The following COPG2 variants were observed in gnomAD, a reference collection of about 807,000 sequenced individuals.
COPG2 encodes coatomer subunit gamma-2.
A neutral mutation model predicts 46.3 loss-of-function variants in COPG2; 37 were observed. The observed-to-expected ratio is 0.80, with a 90% CI of 0.61 to 1.05. The LOEUF (loss-of-function observed/expected upper bound fraction) is 1.05, where lower values mean the gene tolerates loss of function less well. COPG2 is among the 50% of genes least tolerant of loss of function. COPG2 has a pLI of 0.00. For missense variants in COPG2, 427 were observed against 387.8 expected (o/e 1.10, Z -0.85); for synonymous variants, 159 against 129.7 (o/e 1.23, Z -1.53).
At chr7:130,534,947 A>C (rs1193792083) in intron 20 of COPG2, among the ~76,000 whole-genome samples, 1 of 152,158 alleles carries the variant, frequency 6.6e-6, no homozygotes. Flanking sequence ...AAGAGAAAAG[A>C]GGAAACAAGG....
chr7:130,644,744 T>C (rs782697288), intron 5 of COPG2, among the ~76,000 whole-genome samples: 7 of 152,266 alleles, frequency 4.6e-5, no homozygotes, highest in Middle Eastern at 6.8e-3. Context: ...TATTTCCCAA[T>C]TCTGTCTTCA....
At chr7:130,588,950 CAT>C (rs1439009795) in intron 9 of COPG2, among the ~76,000 whole-genome samples, 1 of 152,116 alleles carries the variant, frequency 6.6e-6, no homozygotes, top group East Asian at 1.9e-4. Flanking sequence ...CCGCCACACA[CAT>C]ATACACACAA....
At chr7:130,530,241 G>A (rs1048941844) in intron 20 of COPG2, among the ~76,000 whole-genome samples, 2 of 152,270 alleles carry the variant, frequency 1.3e-5, no homozygotes, top group Admixed American at 1.3e-4. Flanking sequence ...AGATGGGCAG[G>A]CACGATGGCA....
In COPG2 at chr7:130,667,552, CAAAAA is replaced by C. The variant is rs782127185; in HGVS notation, c.38-23_38-19del. ...GCCACTACCTATTTATAAAACAAAA[CAAAAA>C]AATGTCCTGAACAGCTGTTCTACAC... On this transcript the variant is annotated intron_variant, in intron 1 of 23. Coordinates refer to ENST00000425248, the MANE Select transcript of COPG2 (RefSeq NM_012133.6). The C allele has an allele frequency of 4.4e-6, 7 of 1,606,002 alleles. No homozygotes were observed. The African/African-American group carries it at 9.4e-5, about 22-fold the overall frequency.
chr7:130,532,342 C>T lies in COPG2; in HGVS notation c.2149+15332G>A, dbSNP rs925623984. ...AGTGACACAGAGGATGTGGGCTGTGCGGGTGAGAGCAGACAGCAGGGGATC... is the reference window on the plus strand; with the variant it reads ...AGTGACACAGAGGATGTGGGCTGTGTGGGTGAGAGCAGACAGCAGGGGATC... On this transcript the variant is annotated intron_variant, in intron 20 of 23. Coordinates refer to ENST00000425248, the MANE Select transcript of COPG2 (RefSeq NM_012133.6). 4.9e-4 allele frequency among the ~76,000 whole-genome samples: 75 copies of T among 152,094 alleles called. No homozygotes were observed. In the Middle Eastern group the frequency reaches 0.01, roughly 21 times the overall value.
In COPG2 at chr7:130,625,725, C is replaced by A. The variant is rs1353479032; in HGVS notation, c.324-8660G>T. Among the ~76,000 whole-genome samples the A allele has an allele frequency of 3.3e-5, 5 of 149,772 alleles. No homozygotes were observed. The East Asian group carries it at 7.9e-4, about 24-fold the overall frequency. ...GGTTTATTTATATTGTTAATTTTTT[C>A]AAAAATAGGATTTTGATTTAATAAT... On this transcript the variant is annotated intron_variant, in intron 5 of 23. Coordinates refer to ENST00000425248, the MANE Select transcript of COPG2 (RefSeq NM_012133.6).
At chr7:130,597,712 A>T (rs1361386135) in intron 9 of COPG2, among the ~76,000 whole-genome samples, 1 of 152,346 alleles carries the variant, frequency 6.6e-6, no homozygotes, top group Non-Finnish European at 1.5e-5. Flanking sequence ...TAACTCAAAG[A>T]AAAGATGAAA....
intron 20 of COPG2, among the ~76,000 whole-genome samples, chr7:130,535,699 G>A (rs1055170317): frequency 0.046 from 4,035 of 88,310 alleles, 100 homozygotes; most frequent in Non-Finnish European, 0.062. Flanking sequence ...GTGGGGCAGG[G>A]TTAGGGGCAG....
At chr7:130,609,650 A>G (rs1195785792) in intron 9 of COPG2, among the ~76,000 whole-genome samples, 1 of 151,952 alleles carries the variant, frequency 6.6e-6, no homozygotes, top group Non-Finnish European at 1.5e-5. Context: ...AGACTTTTTG[A>G]TATATTCCCT....
At chr7:130,508,305 T>G in intron 21 of COPG2, 1 of 350,802 alleles carries the variant, frequency 2.9e-6, no homozygotes, top group Non-Finnish European at 5.1e-6. Flanking sequence ...TTTCATCTCT[T>G]AATTATCCCT....
At chr7:130,605,817 A>C (rs782697374) in intron 9 of COPG2, 2 of 518,466 alleles carry the variant, frequency 3.9e-6, no homozygotes, top group Admixed American at 1.9e-5. Flanking sequence ...TCAGACTTCT[A>C]ATCTACAGAT....
At chr7:130,603,807 A>G (rs1554450778) in intron 9 of COPG2, 1 of 519,042 alleles carries the variant, frequency 1.9e-6, no homozygotes, top group Non-Finnish European at 3.9e-6. Flanking sequence ...CTCGAACAAC[A>G]TGGGGTTAAC....
chr7:130,524,303 C>G (rs1482969756), intron 20 of COPG2, among the ~76,000 whole-genome samples: 1 of 151,954 alleles, frequency 6.6e-6, no homozygotes, highest in Non-Finnish European at 1.5e-5. Context: ...TACCTGAGTT[C>G]ACGACTTAGG....
rs782377798 is a variant in COPG2 at position 130,668,586 on chromosome 7, G to C, written c.37+46C>G. On this transcript the variant is annotated intron_variant, in intron 1 of 23. Transcript: ENST00000425248. ...AAGCAGGTGGCGGCGGGCGGGGGAA[G>C]GGGCGTCCCGCGGCTGAGGGTGGGC... 20 of 1,484,008 alleles carry C rather than the reference G, an allele frequency of 1.3e-5. No individual in the cohort carries two copies. In the East Asian group the frequency reaches 1.5e-4, roughly 11 times the overall value. The allele number at this position is 1,484,008 out of a possible 1,614,324, so 91.9% of individuals were successfully genotyped here.
At chr7:130,633,158 G>A (rs1795262954) in intron 5 of COPG2, among the ~76,000 whole-genome samples, 1 of 152,074 alleles carries the variant, frequency 6.6e-6, no homozygotes, top group Non-Finnish European at 1.5e-5. Context: ...CGGGCATTTG[G>A]GCTGGTTCCA....
chr7:130,542,734 G>A (rs1220241785), intron 20 of COPG2, among the ~76,000 whole-genome samples: 8 of 152,192 alleles, frequency 5.3e-5, no homozygotes, highest in Admixed American at 5.2e-4. Context: ...TTATTGGGAT[G>A]TAAATTTGAT....
At chr7:130,560,607 T>C (rs1180478850) in intron 12 of COPG2, among the ~76,000 whole-genome samples, 2 of 152,214 alleles carry the variant, frequency 1.3e-5, no homozygotes, top group Non-Finnish European at 2.9e-5. Context: ...GTACTGGTAC[T>C]GGATTGACAA....
intron 5 of COPG2, among the ~76,000 whole-genome samples, chr7:130,619,102 A>G (rs1182438490): frequency 6.6e-6 from 1 of 152,066 alleles, no homozygotes; most frequent in Non-Finnish European, 1.5e-5. Context: ...TTACATCTCT[A>G]TTTTTAGTAC....
intron 10 of COPG2, among the ~76,000 whole-genome samples, chr7:130,563,849 A>G (rs1332159059): frequency 6.6e-6 from 1 of 151,740 alleles, no homozygotes; most frequent in African/African-American, 2.4e-5. Context: ...TCTTTTTAAA[A>G]AAAAATTAGA....
Sources: gnomAD v4.1 joint callset for allele counts (sites outside exome capture counted in the v4.1 genomes callset) on GRCh38, gnomAD v4.1.1 for gene constraint, MANE v1.5 for transcripts, NCBI Gene and HGNC (gene_info 2026-07-23, HGNC 2026-07-21) for gene names.